The following PRKCA variants were observed in gnomAD, a reference collection of about 807,000 sequenced individuals.
The protein encoded by PRKCA is protein kinase C alpha type.
PRKCA carries 27 observed loss-of-function variants against 87.0 expected under a neutral mutation model. The ratio of observed to expected loss-of-function variants is 0.31; its 90% CI spans 0.23 to 0.43. The LOEUF (loss-of-function observed/expected upper bound fraction) is 0.43. PRKCA is among the 20% of genes least tolerant of loss of function. PRKCA has a pLI of 1.00. For missense variants in PRKCA, 518 were observed against 852.3 expected, an observed-to-expected ratio of 0.61 and a Z score of 4.88; for synonymous variants, 329 against 311.1, an observed-to-expected ratio of 1.06 and a Z score of -0.61.
At chr17:66,437,731 T>TTTTTTTTTGGGGG (rs55779501) in intron 2 of PRKCA, among the ~76,000 whole-genome samples, 2 of 11,142 alleles carry the variant, frequency 1.8e-4, no homozygotes, top group African/African-American at 3.9e-4. Context: ...TTTTTTTTTT[T>TTTTTTTTTGGGGG]GAGCGGGGGG....
intron 3 of PRKCA, among the ~76,000 whole-genome samples, chr17:66,520,575 A>G (rs1171789637): frequency 6.6e-6 from 1 of 152,224 alleles, no homozygotes; most frequent in Non-Finnish European, 1.5e-5. Context: ...ATAACTTTGA[A>G]TGCACAGTTT....
At position 66,767,431 on chromosome 17, in the gene PRKCA, G is replaced by A. The variant is rs142280028; in HGVS notation, c.1525-6556G>A. Among the ~76,000 whole-genome samples, 13 of 152,256 alleles carry A rather than the reference G, an allele frequency of 8.5e-5. No individual in the cohort carries two copies. In the East Asian group the frequency reaches 2.5e-3, roughly 29 times the overall value. On this transcript the variant is annotated intron_variant, in intron 13 of 16. Coordinates refer to ENST00000413366, the MANE Select transcript of PRKCA (RefSeq NM_002737.3). ...AAGATGTGTGTAGTGGGTACAACCT[G>A]CATTTGGTGCCCAGAAGGTGGATTT...
chr17:66,327,636 G>C (rs77791368), intron 2 of PRKCA, among the ~76,000 whole-genome samples: 25 of 152,148 alleles, frequency 1.6e-4, no homozygotes, highest in African/African-American at 5.8e-4. Flanking sequence ...TGTCTCCTTC[G>C]TCCACATGAC....
intron 8 of PRKCA, among the ~76,000 whole-genome samples, chr17:66,692,753 A>G (rs890203008): frequency 6.6e-6 from 1 of 152,082 alleles, no homozygotes; most frequent in Admixed American, 6.5e-5. Context: ...CCATCACATT[A>G]GTCTTTTCTT....
At chr17:66,413,700 G>A (rs1470254622) in intron 2 of PRKCA, among the ~76,000 whole-genome samples, 2 of 152,142 alleles carry the variant, frequency 1.3e-5, no homozygotes, top group Non-Finnish European at 2.9e-5. Flanking sequence ...TGAGCTCTGT[G>A]TTAGGAACTG....
At chr17:66,338,921 G>A (rs191284029) in intron 2 of PRKCA, among the ~76,000 whole-genome samples, 179 of 152,236 alleles carry the variant, frequency 1.2e-3, no homozygotes, top group Non-Finnish European at 1.1e-3. Context: ...TGATCTTGAG[G>A]TCGTAGAAGA....
intron 3 of PRKCA, among the ~76,000 whole-genome samples, chr17:66,614,131 C>T (rs1970453097): frequency 6.6e-6 from 1 of 152,060 alleles, no homozygotes; most frequent in Non-Finnish European, 1.5e-5. Context: ...TGCAGAGACC[C>T]TATTTCCAAA....
At chr17:66,313,716 C>T (rs1393227421) in intron 2 of PRKCA, among the ~76,000 whole-genome samples, 1 of 152,198 alleles carries the variant, frequency 6.6e-6, no homozygotes, top group Non-Finnish European at 1.5e-5. Context: ...AGTAGCTCAA[C>T]TTCACTGATT....
At chr17:66,392,929 C>T (rs1910447381) in intron 2 of PRKCA, among the ~76,000 whole-genome samples, 1 of 152,076 alleles carries the variant, frequency 6.6e-6, no homozygotes, top group Non-Finnish European at 1.5e-5. Flanking sequence ...CGCTTTCCAA[C>T]AGTCGGGAAG....
chr17:66,702,206 GTGTGTA>G (rs1973081528), intron 8 of PRKCA, among the ~76,000 whole-genome samples: 1 of 151,178 alleles, frequency 6.6e-6, no homozygotes, highest in Non-Finnish European at 1.5e-5. Context: ...ATATGTATAT[GTGTGTA>G]TGTGTGTGTA....
chr17:66,713,419 C>A (rs1449215342), intron 8 of PRKCA, among the ~76,000 whole-genome samples: 1 of 152,132 alleles, frequency 6.6e-6, no homozygotes. Context: ...GTACAAATAA[C>A]CCATCAGATA....
chr17:66,669,919 G>A (rs1972131977), intron 5 of PRKCA, among the ~76,000 whole-genome samples: 1 of 152,154 alleles, frequency 6.6e-6, no homozygotes, highest in African/African-American at 2.4e-5. Flanking sequence ...AAACATTCTG[G>A]AAAACTTTTA....
chr17:66,648,248 C>T (rs1251272206), intron 5 of PRKCA, among the ~76,000 whole-genome samples: 1 of 152,168 alleles, frequency 6.6e-6, no homozygotes, highest in Non-Finnish European at 1.5e-5. Flanking sequence ...TTCCCAAAGG[C>T]CCTACCTCTT....
At chr17:66,534,372 T>C (rs1295184035) in intron 3 of PRKCA, among the ~76,000 whole-genome samples, 2 of 152,022 alleles carry the variant, frequency 1.3e-5, no homozygotes, top group African/African-American at 4.8e-5. Context: ...GTATTTGAAA[T>C]CACATGTTGA....
rs145787844 is a variant in PRKCA, at chr17:66,440,721, A to C, written c.206-55480A>C. Reference sequence around the variant, plus strand: ...TGAGAGCCAGTGAGGGACACTCTTCAAGATCCCAGCACTTAAAAGATTGGT... The same window carrying C: ...TGAGAGCCAGTGAGGGACACTCTTCCAGATCCCAGCACTTAAAAGATTGGT... On this transcript the variant is annotated intron_variant, in intron 2 of 16. Transcript: ENST00000413366. 4.2e-3 allele frequency among the ~76,000 whole-genome samples: 643 copies of C among 152,186 alleles called. 3 individuals carry two copies. The highest frequency in any genetic ancestry group is 0.015 in the African/African-American group (610 of 41,546).
intron 5 of PRKCA, among the ~76,000 whole-genome samples, chr17:66,665,210 A>G (rs1397297920): frequency 6.6e-6 from 1 of 152,164 alleles, no homozygotes; most frequent in Non-Finnish European, 1.5e-5. Flanking sequence ...ATCTTTTTTA[A>G]TACTTAAACG....
chr17:66,614,369 T>TG (rs1970461638), intron 3 of PRKCA, among the ~76,000 whole-genome samples: 1 of 152,244 alleles, frequency 6.6e-6, no homozygotes, highest in South Asian at 2.1e-4. Flanking sequence ...TTGATATTTT[T>TG]GAGGCATCTA....
intron 9 of PRKCA, among the ~76,000 whole-genome samples, chr17:66,734,764 C>T (rs974799706): frequency 6.6e-6 from 1 of 152,102 alleles, no homozygotes; most frequent in Admixed American, 6.6e-5. Flanking sequence ...GGTTCAAATG[C>T]CTGCGACATT....
At chr17:66,380,641 A>T (rs182894769) in intron 2 of PRKCA, among the ~76,000 whole-genome samples, 8 of 152,330 alleles carry the variant, frequency 5.3e-5, no homozygotes, top group Admixed American at 5.2e-4. Flanking sequence ...CCTGCAGTAA[A>T]GGAATAATAA....
Sources: allele counts gnomAD v4.1 joint callset (sites outside exome capture counted in the v4.1 genomes callset), GRCh38; gene constraint gnomAD v4.1.1; transcripts MANE v1.5; gene names NCBI Gene and HGNC (gene_info 2026-07-23, HGNC 2026-07-21).